ADAT1: variants seen among roughly 807,000 people sequenced by gnomAD.
ADAT1 encodes the protein adenosine deaminase tRNA specific 1.
A neutral mutation model predicts 58.6 loss-of-function variants in ADAT1; 58 were observed. That is an observed-to-expected ratio of 0.99 (90% confidence interval 0.80 to 1.23). ADAT1 has a LOEUF of 1.23. ADAT1 is among the 50% of genes most tolerant of loss of function. The pLI, the probability that ADAT1 is intolerant of heterozygous loss-of-function variation, is 0.00. For synonymous variants in ADAT1, 254 were observed against 220.8 expected, an observed-to-expected ratio of 1.15 and a Z score of -1.33; for missense variants, 741 against 608.6, an observed-to-expected ratio of 1.22 and a Z score of -2.29.
rs192829516 is a variant in ADAT1, at chr16:75,619,739, C to T, written c.238+527G>A. 8 of 399,424 alleles carry T rather than the reference C, an allele frequency of 2.0e-5. No individual in the cohort carries two copies. In the East Asian group the frequency reaches 3.0e-4, roughly 15 times the overall value. 24.7% of individuals were successfully genotyped at this position (399,424 alleles called of 1,614,324 possible). A position where few individuals can be genotyped will look rare whatever the true frequency, so the allele number is the denominator to read the frequency against. On this transcript the variant is annotated intron_variant, in intron 3 of 9. Coordinates refer to ENST00000564657, the MANE Select transcript of ADAT1 (RefSeq NM_001324445.2). ...TAGCTTGGCCAGCATGGTGAAACCC[C>T]GTCTCTAAAAAAATACAAAAATTAG...
chr16:75,603,317 C>G, intron 8 of ADAT1, 146 bp from the exon 9 acceptor site: 1 of 664,000 alleles, frequency 1.5e-6, no homozygotes, highest in South Asian at 1.8e-5. Context: ...GGAGAAAATC[C>G]AGACCTGGAT....
Position 75,599,692 on chromosome 16 carries a change from C to G in ADAT1, c.*524G>C. 1.0e-6 allele frequency: 1 copy of G among 987,342 alleles called. No individual in the cohort carries two copies. The highest frequency in any genetic ancestry group is 4.7e-5 in the South Asian group (1 of 21,376). The allele number at this position is 987,342 out of a possible 1,614,324, so 61.2% of individuals were successfully genotyped here. ...GGGCAGTCCAGGGCTGGCTCACAGG[C>G]TATTCCTAGAGCCAGGGAGTAAGGT... On this transcript the variant is annotated 3_prime_UTR_variant, in exon 10 of 10. Coordinates refer to ENST00000564657, the MANE Select transcript of ADAT1 (RefSeq NM_001324445.2).
rs1483003835 is a variant in ADAT1 at position 75,604,456 on chromosome 16, A to ATAT, written c.1290-1286_1290-1285insATA. Among the ~76,000 whole-genome samples, 47 of 48,782 alleles carry ATAT rather than the reference A, an allele frequency of 9.6e-4. 2 individuals carry two copies. Among genetic ancestry groups the ATAT allele is most frequent in the East Asian group, 1.1e-3 (1 of 924 alleles). The allele number at this position is 48,782 out of a possible 152,430, so 32.0% of individuals were successfully genotyped here. ...TCAAAAAAAAAAAAAAAAAAAAAAA[A>ATAT]ATATATATATATATATATACACACA... On this transcript the variant is annotated intron_variant, in intron 8 of 9. Coordinates refer to ENST00000564657, the MANE Select transcript of ADAT1 (RefSeq NM_001324445.2).
chr16:75,612,429 A>C lies in ADAT1; in HGVS notation c.857T>G (p.Val286Gly). The change falls in exon 6 of 10, where the codon GTG (valine) becomes GGG (glycine). Residue 286 changes from valine to glycine, a missense_variant. Physicochemically the swap from Val to Gly is moderately radical, Grantham distance 109 (BLOSUM62 -3). Transcript: ENST00000564657. ...TGTTCTGTCTCCACGGCCTGGCTTC[A>C]CTCGGAGCAGCCCCACCTGGTGAAA... Reference protein sequence around the residue: ...AAFHQVGLLRVKPGRGDRTRS... With the variant: ...AAFHQVGLLRGKPGRGDRTRS... 1.2e-6 allele frequency: 2 copies of C among 1,614,096 alleles called. No homozygotes were observed. Among genetic ancestry groups the C allele is most frequent in the Non-Finnish European group, 1.7e-6 (2 of 1,180,006 alleles).
At chr16:75,604,197 G>A (rs770955521) in intron 8 of ADAT1, among the ~76,000 whole-genome samples, 1 of 151,742 alleles carries the variant, frequency 6.6e-6, no homozygotes, top group Non-Finnish European at 1.5e-5. Context: ...GGGAGGCTGA[G>A]GTGAATGAGC....
chr16:75,608,820 C>A (rs773268061), intron 7 of ADAT1, 23 bp downstream of exon 7: 6 of 1,605,172 alleles, frequency 3.7e-6, no homozygotes, highest in Non-Finnish European at 5.1e-6. Context: ...TACTCCAGGG[C>A]AGGTCTAACC....
At chr16:75,608,147 TA>T in intron 8 of ADAT1, 76 bp downstream of exon 8, 2 of 1,300,198 alleles carry the variant, frequency 1.5e-6, no homozygotes, top group Non-Finnish European at 2.2e-6. Flanking sequence ...TTTGGGGTAA[TA>T]AAAATGTTCT....
chr16:75,621,994 A>C (rs1332227477), intron 1 of ADAT1, among the ~76,000 whole-genome samples: 1 of 152,114 alleles, frequency 6.6e-6, no homozygotes, highest in Non-Finnish European at 1.5e-5. Flanking sequence ...CTGAAAATAC[A>C]AAAAAATTAG....
Position 75,600,030 on chromosome 16 carries a change from CAG to C in ADAT1, c.*184_*185del. The C allele has an allele frequency of 1.4e-6, 2 of 1,403,086 alleles. No homozygotes were observed. Among genetic ancestry groups the C allele is most frequent in the Non-Finnish European group, 1.9e-6 (2 of 1,075,820 alleles). 86.9% of individuals were successfully genotyped at this position (1,403,086 alleles called of 1,614,324 possible). On this transcript the variant is annotated 3_prime_UTR_variant, in exon 10 of 10. Coordinates refer to ENST00000564657, the MANE Select transcript of ADAT1 (RefSeq NM_001324445.2). Reference sequence around the variant, plus strand: ...GGTCATTAGTGAGATGCCATTTTAGCAGAGAGCTACTTCAATCAAGTATAGCT... The same window carrying C: ...GGTCATTAGTGAGATGCCATTTTAGCAGAGCTACTTCAATCAAGTATAGCT...
At chr16:75,601,582 C>T (rs1392450692) in intron 9 of ADAT1, among the ~76,000 whole-genome samples, 1 of 151,794 alleles carries the variant, frequency 6.6e-6, no homozygotes, top group Non-Finnish European at 1.5e-5. Context: ...TATGGTGAAA[C>T]CCCGTCCCTA....
intron 3 of ADAT1, 83 bp downstream of exon 3, chr16:75,620,183 G>T: frequency 7.4e-7 from 1 of 1,359,290 alleles, no homozygotes; most frequent in Non-Finnish European, 1.1e-6. Flanking sequence ...CAACTGACAT[G>T]GCCCCTCTTC....
intron 9 of ADAT1, 39 bp downstream of exon 9, chr16:75,603,046 T>A (rs754434440): frequency 1.3e-6 from 2 of 1,577,592 alleles, no homozygotes; most frequent in Admixed American, 1.7e-5. Context: ...AAAACAGTTG[T>A]CTACCTAAAT....
intron 8 of ADAT1, among the ~76,000 whole-genome samples, chr16:75,607,424 C>A (rs530227578): frequency 1.3e-4 from 19 of 151,974 alleles, no homozygotes; most frequent in African/African-American, 4.6e-4. Flanking sequence ...ATCGCTTGAA[C>A]CCCAGGGGCG....
At chr16:75,609,641 A>C (rs2081468760) in intron 6 of ADAT1, among the ~76,000 whole-genome samples, 1 of 152,142 alleles carries the variant, frequency 6.6e-6, no homozygotes, top group African/African-American at 2.4e-5. Context: ...AATTTAAGGA[A>C]TTTTCATCAC....
At chr16:75,618,725 C>T in intron 3 of ADAT1, 85 bp from the exon 4 acceptor site, 3 of 1,515,552 alleles carry the variant, frequency 2.0e-6, no homozygotes, top group Non-Finnish European at 2.7e-6. Flanking sequence ...GCAGTCCCAC[C>T]AGCACCCAGG....
chr16:75,603,423 G>A (rs1175938473), intron 8 of ADAT1, among the ~76,000 whole-genome samples: 1 of 152,164 alleles, frequency 6.6e-6, no homozygotes, highest in Non-Finnish European at 1.5e-5. Context: ...GGTACCCTGA[G>A]GTGCAATTAC....
intron 8 of ADAT1, 92 bp from the exon 9 acceptor site, chr16:75,603,263 G>A (rs2151744538): frequency 1.8e-6 from 2 of 1,114,380 alleles, no homozygotes; most frequent in Non-Finnish European, 2.7e-6. Context: ...TGGTTTTTAG[G>A]TTTGAAGGTG....
intron 8 of ADAT1, among the ~76,000 whole-genome samples, chr16:75,604,011 A>G (rs550207401): frequency 2.0e-4 from 30 of 152,316 alleles, no homozygotes; most frequent in African/African-American, 6.5e-4. Flanking sequence ...CTGAGCACTC[A>G]GACACTGCTC....
intron 5 of ADAT1, 30 bp from the exon 6 acceptor site, chr16:75,612,891 G>A (rs1268437966): frequency 1.3e-6 from 2 of 1,596,202 alleles, no homozygotes; most frequent in Non-Finnish European, 1.7e-6. Flanking sequence ...TTAAACAAAT[G>A]GTTCTCAAGT....
Sources: gnomAD v4.1 joint callset for allele counts (sites outside exome capture counted in the v4.1 genomes callset) on GRCh38, gnomAD v4.1.1 for gene constraint, MANE v1.5 for transcripts, NCBI Gene and HGNC (gene_info 2026-07-23, HGNC 2026-07-21) for gene names.